Variants in RPL13A observed in about 807,000 individuals in gnomAD.
RPL13A encodes large ribosomal subunit protein uL13.
RPL13A carries 4 observed loss-of-function variants against 30.8 expected under a neutral mutation model. The ratio of observed to expected loss-of-function variants is 0.13; its 90% CI spans 0.06 to 0.30. The LOEUF (loss-of-function observed/expected upper bound fraction) is 0.30. RPL13A is among the 10% of genes least tolerant of loss of function. The pLI is 1.00. For synonymous variants in RPL13A, 108 were observed against 104.2 expected, an observed-to-expected ratio of 1.04 and a Z score of -0.22; for missense variants, 196 against 272.6, an observed-to-expected ratio of 0.72 and a Z score of 1.98.
At chr19:49,491,667 T>A in intron 7 of RPL13A, 62 bp from the exon 8 acceptor site, 2 of 1,583,830 alleles carry the variant, frequency 1.3e-6, no homozygotes, top group South Asian at 1.1e-5. Flanking sequence ...TGGGATGCAG[T>A]CCATGTAATG....
Position 49,492,068 on chromosome 19 carries a change from AG to A in RPL13A, c.*254del. On this transcript the variant is annotated 3_prime_UTR_variant, in exon 8 of 8. Coordinates refer to ENST00000391857, the MANE Select transcript of RPL13A (RefSeq NM_012423.4). ...CAGTTACTATGAGTGAAAGGGAGCC[AG>A]AAGACTGATTGGAGGGCCCTATCTT... The A allele has an allele frequency of 2.2e-6, 1 of 461,630 alleles. No individual in the cohort carries two copies. Among genetic ancestry groups the A allele is most frequent in the Non-Finnish European group, 4.0e-6 (1 of 252,618 alleles). 28.6% of individuals were successfully genotyped at this position (461,630 alleles called of 1,614,324 possible).
At chr19:49,490,683 C>A (rs1471649265) in intron 4 of RPL13A, 96 bp from the exon 5 acceptor site, 2 of 1,569,534 alleles carry the variant, frequency 1.3e-6, no homozygotes, top group East Asian at 2.2e-5. Context: ...TCCACATGCA[C>A]TACCATCTGA....
Position 49,491,452 on chromosome 19 carries a change from G to C in RPL13A, c.430G>C (p.Glu144Gln). Residue 144 changes from glutamate (E) to glutamine (Q), a missense_variant, in exon 7 of 8, where the codon GAG becomes CAG. Glu to Gln is a conservative substitution (Grantham distance 29). Coordinates refer to ENST00000391857, the MANE Select transcript of RPL13A (RefSeq NM_012423.4). Reference protein sequence around the residue: ...KFAYLGRLAHEVGWKYQAVTA... With the variant: ...KFAYLGRLAHQVGWKYQAVTA... The stretch of plus-strand genomic sequence containing the variant: ...TGCCTATCTGGGGCGCCTGGCTCAC[G>C]AGGTTGGCTGGAAGTACCAGGCAGT... The C allele has an allele frequency of 7.9e-7, 1 of 1,271,390 alleles. No homozygotes were observed. Among genetic ancestry groups the C allele is most frequent in the Non-Finnish European group, 1.1e-6 (1 of 939,658 alleles). The allele number at this position is 1,271,390 out of a possible 1,614,324, so 78.8% of individuals were successfully genotyped here.
chr19:49,490,938 T>C, intron 5 of RPL13A, 74 bp downstream of exon 5: 1 of 1,604,450 alleles, frequency 6.2e-7, no homozygotes, highest in Non-Finnish European at 8.5e-7. Flanking sequence ...ACCTACATTG[T>C]TTGATCCTCA....
Position 49,491,558 on chromosome 19 carries a change from G to T in RPL13A, c.525+11G>T. 1 of 1,552,576 alleles carries T rather than the reference G, an allele frequency of 6.4e-7. No individual in the cohort carries two copies. The highest frequency in any genetic ancestry group is 1.4e-5 in the African/African-American group (1 of 73,742). ...AAGAAACAGCTCATGGTGAGGCCAG[G>T]GGCTGGTGCTGAGGGGGGCATCTCA... is the stretch of plus-strand genomic sequence containing the variant. On this transcript the variant is annotated intron_variant, in intron 7 of 7. Coordinates refer to ENST00000391857, the MANE Select transcript of RPL13A (RefSeq NM_012423.4).
intron 4 of RPL13A, 29 bp downstream of exon 4, chr19:49,490,605 T>C (rs1313574921): frequency 6.2e-7 from 1 of 1,610,394 alleles, no homozygotes; most frequent in African/African-American, 1.3e-5. Flanking sequence ...CTGCAGGTGG[T>C]GACGGGCAGG....
intron 6 of RPL13A, 132 bp from the exon 7 acceptor site, chr19:49,491,293 G>A (rs1231315295): frequency 1.7e-6 from 2 of 1,147,292 alleles, no homozygotes; most frequent in African/African-American, 3.0e-5. Flanking sequence ...CAGGCCTGCA[G>A]AGAACAGTTG....
intron 5 of RPL13A, 36 bp downstream of exon 5, chr19:49,490,900 C>A (rs770784689): frequency 2.6e-5 from 42 of 1,611,702 alleles, no homozygotes; most frequent in African/African-American, 5.3e-5. Context: ...AGCGGCCTTA[C>A]CTGTGGCGTC....
rs368127832 is a variant in RPL13A, at chr19:49,491,689, A to T, written c.526-40A>T. 3.1e-6 allele frequency: 5 copies of T among 1,593,194 alleles called. No individual in the cohort carries two copies. The African/African-American group carries it at 6.7e-5, about 21-fold the overall frequency. ...CAGTCCATGTAATGAGGGCAATGCA[A>T]CCCCTCCTGACCACCACCACCTGCA... On this transcript the variant is annotated intron_variant, in intron 7 of 7. Coordinates refer to ENST00000391857, the MANE Select transcript of RPL13A (RefSeq NM_012423.4).
At chr19:49,491,707 C>A (rs780766643) in intron 7 of RPL13A, 22 bp from the exon 8 acceptor site, 9 of 1,610,174 alleles carry the variant, frequency 5.6e-6, no homozygotes, top group Non-Finnish European at 7.6e-6. Context: ...TGACCACCAC[C>A]ACCTGCACTT....
chr19:49,488,001 A>C (rs1260334915), intron 1 of RPL13A, among the ~76,000 whole-genome samples: 1 of 151,712 alleles, frequency 6.6e-6, no homozygotes, highest in Non-Finnish European at 1.5e-5. Flanking sequence ...GAACACGCGG[A>C]AGTGTGGCCG....
At chr19:49,490,203 G>T (rs187072143) in intron 2 of RPL13A, 29 bp from the exon 3 acceptor site, 4 of 1,611,904 alleles carry the variant, frequency 2.5e-6, no homozygotes, top group African/African-American at 2.7e-5. Context: ...CAGGCGGCTC[G>T]GCCCTGCTAA....
At chr19:49,490,728 G>T in intron 4 of RPL13A, 51 bp from the exon 5 acceptor site, 1 of 1,605,868 alleles carries the variant, frequency 6.2e-7, no homozygotes, top group South Asian at 1.1e-5. Context: ...TGGGGTGGGT[G>T]GGCATCCTTA....
chr19:49,491,625 C>A, intron 7 of RPL13A, 78 bp downstream of exon 7: 1 of 1,561,792 alleles, frequency 6.4e-7, no homozygotes. Context: ...ACAGAGTACT[C>A]TTAACTGGCA....
intron 6 of RPL13A, 84 bp from the exon 7 acceptor site, chr19:49,491,341 C>T: frequency 2.2e-6 from 3 of 1,359,802 alleles, no homozygotes; most frequent in East Asian, 2.3e-5. Flanking sequence ...CCTCCCAGCT[C>T]TCAACAGCTC....
intron 1 of RPL13A, among the ~76,000 whole-genome samples, chr19:49,488,820 C>T (rs2681569): frequency 6.6e-6 from 1 of 152,232 alleles, no homozygotes; most frequent in Non-Finnish European, 1.5e-5. Context: ...ATTCTCCTGC[C>T]TCAGCTTCCC....
chr19:49,488,234 T>C (rs1355471022), intron 1 of RPL13A, among the ~76,000 whole-genome samples: 1 of 152,124 alleles, frequency 6.6e-6, no homozygotes, highest in African/African-American at 2.4e-5. Flanking sequence ...GGATTGGCGA[T>C]TGTCCTGAGG....
intron 2 of RPL13A, 79 bp from the exon 3 acceptor site, chr19:49,490,153 T>C (rs1212815191): frequency 3.7e-6 from 5 of 1,356,400 alleles, no homozygotes; most frequent in Non-Finnish European, 5.3e-6. Flanking sequence ...AGTACTGCGC[T>C]GTGTCTGGAG....
chr19:49,489,284 C>T (rs571864076), intron 1 of RPL13A, among the ~76,000 whole-genome samples: 4 of 152,018 alleles, frequency 2.6e-5, no homozygotes, highest in South Asian at 2.1e-4. Flanking sequence ...TCACTTGAAG[C>T]GAGGAGTACA....
Sources: gnomAD v4.1 joint callset for allele counts (sites outside exome capture counted in the v4.1 genomes callset) on GRCh38, gnomAD v4.1.1 for gene constraint, MANE v1.5 for transcripts, NCBI Gene and HGNC (gene_info 2026-07-23, HGNC 2026-07-21) for gene names.